The following ENPP2 variants were observed in gnomAD, a reference collection of about 807,000 sequenced individuals.
ENPP2 encodes ectonucleotide pyrophosphatase/phosphodiesterase 2, also known as autotaxin.
Under a neutral mutation model 120.2 loss-of-function variants are expected in ENPP2, and 51 were observed. The ratio of observed to expected loss-of-function variants is 0.42; its 90% CI spans 0.34 to 0.54. The LOEUF (loss-of-function observed/expected upper bound fraction) is 0.54, where lower values mean the gene tolerates loss of function less well. ENPP2 is among the 20% of genes least tolerant of loss of function. The pLI, the probability that ENPP2 is intolerant of heterozygous loss-of-function variation, is 0.04. For missense variants in ENPP2, 920 were observed against 1,066.5 expected (o/e 0.86, Z 1.91); for synonymous variants, 365 against 366.4 (o/e 1.00, Z 0.04).
rs745564919 is a variant in ENPP2 at position 119,562,882 on chromosome 8, C to T, written c.2396G>A (p.Arg799Gln). 89 of 1,613,900 alleles carry T rather than the reference C, an allele frequency of 5.5e-5. 1 individual carries two copies. Among genetic ancestry groups the T allele is most frequent in the African/African-American group, 4.9e-4 (37 of 74,900 alleles). ...ATTGCAGCTCTCCTCGTTGTCAGGC[C>T]GGTGAGGCAGGATGAAGGAGGACAC... ...LSVSSFILPH[R>Q]PDNEESCNSS... The change falls in exon 24 of 25, where the codon CGG (arginine) becomes CAG (glutamine). Residue 799 changes from arginine (R) to glutamine (Q), a missense_variant. Transcript: ENST00000075322.
chr8:119,600,585 C>G, intron 11 of ENPP2, 93 bp downstream of exon 11: 1 of 790,262 alleles, frequency 1.3e-6, no homozygotes. Flanking sequence ...ATACAAACAT[C>G]CATCCAGACT....
chr8:119,559,232 A>G (rs535859876), intron 24 of ENPP2, among the ~76,000 whole-genome samples: 7 of 152,330 alleles, frequency 4.6e-5, no homozygotes, highest in African/African-American at 1.4e-4. Flanking sequence ...CAGATGGGTC[A>G]GGACCCCCTC....
At position 119,568,263 on chromosome 8, in the gene ENPP2, G is replaced by T. The variant is rs1587338283; in HGVS notation, c.2054-11C>A. 1 of 1,499,696 alleles carries T rather than the reference G, an allele frequency of 6.7e-7. No individual in the cohort carries two copies. Among genetic ancestry groups the T allele is most frequent in the Non-Finnish European group, 9.2e-7 (1 of 1,082,802 alleles). The allele number at this position is 1,499,696 out of a possible 1,614,324, so 92.9% of individuals were successfully genotyped here. On this transcript the variant is annotated splice_polypyrimidine_tract_variant and intron_variant, in intron 21 of 24. Coordinates refer to ENST00000075322, the MANE Select transcript of ENPP2 (RefSeq NM_001040092.3). ...GTGAAGAGCTCAGATCTAAACATTA[G>T]GAAAACAAATAGTATACGTTGCTTA... is the stretch of plus-strand genomic sequence containing the variant.
Position 119,572,535 on chromosome 8 carries a change from G to C in ENPP2, c.1781-1694C>G, listed in dbSNP as rs1379334351. ...CAACGTAACACTCTATTCCACAAAG[G>C]CTAATGTATTTGCAACACTCTCTTC... On this transcript the variant is annotated intron_variant, in intron 19 of 24. Coordinates refer to ENST00000075322, the MANE Select transcript of ENPP2 (RefSeq NM_001040092.3). 8.5e-6 allele frequency: 3 copies of C among 352,176 alleles called. No homozygotes were observed. The East Asian group carries it at 1.4e-4, about 16-fold the overall frequency. The allele number at this position is 352,176 out of a possible 1,614,324, so 21.8% of individuals were successfully genotyped here.
intron 3 of ENPP2, 79 bp downstream of exon 3, chr8:119,626,486 G>A (rs767546506): frequency 2.8e-5 from 32 of 1,140,160 alleles, no homozygotes; most frequent in South Asian, 1.1e-4. Context: ...AAGCAGGGTG[G>A]CCACTCCAGG....
At chr8:119,661,844 A>G (rs1247404917) in intron 1 of ENPP2, among the ~76,000 whole-genome samples, 1 of 152,200 alleles carries the variant, frequency 6.6e-6, no homozygotes, top group Non-Finnish European at 1.5e-5. Context: ...AGCCTTAAAC[A>G]AGAATGACAG....
In ENPP2 at chr8:119,582,600, G is replaced by T. The variant is rs1232148362; in HGVS notation, c.1546C>A (p.Leu516Ile). 3.7e-6 allele frequency: 6 copies of T among 1,608,110 alleles called. No homozygotes were observed. In the African/African-American group the frequency reaches 6.7e-5, roughly 18 times the overall value. Residue 516 changes from leucine (L) to isoleucine (I), a missense_variant and splice_region_variant, in exon 18 of 25, where the codon CTC becomes ATC. Coordinates refer to ENST00000075322, the MANE Select transcript of ENPP2 (RefSeq NM_001040092.3). Reference protein sequence around the residue: ...NIELYNVMCDLLGLKPAPNNG... With the variant: ...NIELYNVMCDILGLKPAPNNG... ...TTAGGAGCTGGCTTCAATCCCAGGA[G>T]ATCTAATGAAAATTAAGAAAAGGAG... is the stretch of plus-strand genomic sequence containing the variant.
chr8:119,670,657 G>A (rs183570423), intron 1 of ENPP2, among the ~76,000 whole-genome samples: 13 of 152,306 alleles, frequency 8.5e-5, no homozygotes, highest in Admixed American at 3.9e-4. Flanking sequence ...GATCTGCATC[G>A]TTTCCAAGAG....
intron 8 of ENPP2, among the ~76,000 whole-genome samples, chr8:119,609,650 C>A (rs1814956087): frequency 6.6e-6 from 1 of 152,170 alleles, no homozygotes; most frequent in Non-Finnish European, 1.5e-5. Context: ...AAGTGCTGGA[C>A]ACACTATAAA....
intron 1 of ENPP2, among the ~76,000 whole-genome samples, chr8:119,672,757 G>C (rs1818288328): frequency 6.6e-6 from 1 of 152,194 alleles, no homozygotes; most frequent in Non-Finnish European, 1.5e-5. Context: ...CCTCCTTCAG[G>C]GAGATGATTC....
intron 19 of ENPP2, among the ~76,000 whole-genome samples, chr8:119,575,372 C>T (rs954293439): frequency 2.6e-5 from 4 of 151,828 alleles, no homozygotes; most frequent in South Asian, 2.1e-4. Flanking sequence ...GAACTCTGCC[C>T]GAGTAATGCC....
At chr8:119,560,155 C>T (rs1813814657) in intron 24 of ENPP2, among the ~76,000 whole-genome samples, 1 of 152,160 alleles carries the variant, frequency 6.6e-6, no homozygotes, top group African/African-American at 2.4e-5. Flanking sequence ...CTAGGTACAC[C>T]TTAAATGGCC....
chr8:119,620,631 A>G (rs1269552357), intron 4 of ENPP2, among the ~76,000 whole-genome samples: 3 of 152,234 alleles, frequency 2.0e-5, no homozygotes, highest in Non-Finnish European at 4.4e-5. Flanking sequence ...CTTCCCATCA[A>G]CTTCTATAAG....
chr8:119,643,009 T>A (rs1002199050), upstream of ENPP2, among the ~76,000 whole-genome samples: 2 of 152,190 alleles, frequency 1.3e-5, no homozygotes, highest in African/African-American at 4.8e-5. Context: ...AGATTTAACA[T>A]TATTCCCAGA....
At chr8:119,599,045 C>T (rs1010247877) in intron 11 of ENPP2, among the ~76,000 whole-genome samples, 1 of 152,146 alleles carries the variant, frequency 6.6e-6, no homozygotes, top group African/African-American at 2.4e-5. Flanking sequence ...AAATGTGGTT[C>T]CTTTTGTTCC....
chr8:119,647,496 A>T (rs770570110), intron 1 of ENPP2, among the ~76,000 whole-genome samples: 6 of 152,222 alleles, frequency 3.9e-5, no homozygotes, highest in Non-Finnish European at 8.8e-5. Flanking sequence ...TGTCACTGCA[A>T]ACCCAAGCCT....
At chr8:119,588,949 T>C (rs978268269) in intron 13 of ENPP2, among the ~76,000 whole-genome samples, 7 of 152,196 alleles carry the variant, frequency 4.6e-5, no homozygotes, top group Non-Finnish European at 1.0e-4. Context: ...ATCTGAAACT[T>C]ACTAACCATC....
At chr8:119,647,692 G>A (rs187807366) in intron 1 of ENPP2, among the ~76,000 whole-genome samples, 197 of 152,226 alleles carry the variant, frequency 1.3e-3, no homozygotes, top group Admixed American at 5.8e-3. Flanking sequence ...AAAAAGCAAT[G>A]TGCTATAGAG....
intron 1 of ENPP2, among the ~76,000 whole-genome samples, chr8:119,669,668 G>T (rs150714590): frequency 6.6e-6 from 1 of 152,176 alleles, no homozygotes; most frequent in African/African-American, 2.4e-5. Context: ...CAACTCAAAG[G>T]AGTCTCAGAG....
Sources: gnomAD v4.1 joint callset for allele counts (sites outside exome capture counted in the v4.1 genomes callset) on GRCh38, gnomAD v4.1.1 for gene constraint, MANE v1.5 for transcripts, NCBI Gene and HGNC (gene_info 2026-07-23, HGNC 2026-07-21) for gene names.